Variants in ABCA13 observed in about 807,000 individuals in gnomAD.
ABCA13 encodes the protein ATP binding cassette subfamily A member 13, also known as ATP-binding cassette sub-family A member 13.
A neutral mutation model predicts 478.7 loss-of-function variants in ABCA13; 476 were observed. The ratio of observed to expected loss-of-function variants is 0.99; its 90% confidence interval spans 0.92 to 1.07. The LOEUF (loss-of-function observed/expected upper bound fraction) is 1.07, where lower values mean the gene tolerates loss of function less well. Ranked by LOEUF, ABCA13 falls within the 50% of genes least tolerant of loss-of-function variation. The pLI, the probability that ABCA13 is intolerant of heterozygous loss-of-function variation, is 0.00. For missense variants in ABCA13, 6,060 were observed against 5,910.6 expected (o/e 1.03, Z -0.83); for synonymous variants, 2,252 against 2,158.9 (o/e 1.04, Z -1.20).
In ABCA13 at chr7:48,279,680, G is replaced by A. The variant is rs1584598046; in HGVS notation, c.8486G>A (p.Gly2829Glu). 1 of 1,613,478 alleles carries A rather than the reference G, an allele frequency of 6.2e-7. No individual in the cohort carries two copies. The highest frequency in any genetic ancestry group is 8.5e-7 in the Non-Finnish European group (1 of 1,179,728). ...VLSRIALWRK[G>E]LLFNNSEWIT... Reference sequence around the variant, plus strand: ...AGTAGAATAGCTCTCTGGAGGAAAGGACTTCTGTTTAACAACTCTGAATGG... The same window carrying A: ...AGTAGAATAGCTCTCTGGAGGAAAGAACTTCTGTTTAACAACTCTGAATGG... Residue 2829 changes from glycine to glutamate, a missense_variant, in exon 18 of 62, where the codon GGA (glycine) becomes GAA (glutamate). Gly to Glu is a moderately conservative substitution (Grantham distance 98). This residue lies in a region of ABCA13 where 4,423 missense variants were observed against 4,309.1 expected (regional missense o/e 1.03). Transcript: ENST00000435803.
chr7:48,593,620 G>A (rs1789984821), intron 57 of ABCA13, among the ~76,000 whole-genome samples: 1 of 151,570 alleles, frequency 6.6e-6, no homozygotes, highest in African/African-American at 2.4e-5. Context: ...ATAATTTCAT[G>A]TTGCTAATTA....
At chr7:48,371,128 A>G (rs1812566780) in intron 32 of ABCA13, among the ~76,000 whole-genome samples, 1 of 152,052 alleles carries the variant, frequency 6.6e-6, no homozygotes, top group African/African-American at 2.4e-5. Flanking sequence ...ATTCTGTTCC[A>G]TTGGTTTATG....
intron 44 of ABCA13, 28 bp downstream of exon 44, chr7:48,467,073 T>C: frequency 1.3e-6 from 2 of 1,587,204 alleles, no homozygotes; most frequent in Non-Finnish European, 1.7e-6. Context: ...TCTGCAAAAG[T>C]GAACACTCCC....
rs1436727128 is a variant in ABCA13, at chr7:48,273,577, C to G, written c.3911C>G (p.Ser1304Ter). The change falls in exon 17 of 62, where the codon TCA becomes TGA. Residue 1304 changes from serine to a stop codon, truncating the protein, a stop_gained. Coordinates refer to ENST00000435803, the MANE Select transcript of ABCA13 (RefSeq NM_152701.5). LOFTEE classifies it high-confidence loss of function. Reference protein sequence around the residue: ...TSEYIVRNLDSINDFLSNNLT... With the variant: ...TSEYIVRNLD ...GAATATATAGTCAGAAATCTAGATT[C>G]AATAAATGACTTTCTTTCAAATAAT... 6.3e-7 allele frequency: 1 copy of G among 1,584,686 alleles called. No individual in the cohort carries two copies.
intron 49 of ABCA13, 102 bp downstream of exon 49, chr7:48,506,492 G>GAGA: frequency 7.6e-7 from 1 of 1,319,146 alleles, no homozygotes; most frequent in East Asian, 2.3e-5. Context: ...TTTGCCCCAA[G>GAGA]AGATGGCTTA....
Position 48,178,717 on chromosome 7 carries a change from GA to G in ABCA13, c.69+7175del, listed in dbSNP as rs926283435. Among the ~76,000 whole-genome samples the G allele has an allele frequency of 1.1e-3, 154 of 143,312 alleles. 1 individual carries two copies. The highest frequency in any genetic ancestry group is 3.6e-3 in the African/African-American group (140 of 39,176). The allele number at this position is 143,312 out of a possible 152,430, so 94.0% of individuals were successfully genotyped here. A position where few individuals can be genotyped will look rare whatever the true frequency, so the allele number is the denominator to read the frequency against. ...AAAATAAAATAAAATAAAATAAAAT[GA>G]AAAAAAAAAGAATGTGAGATTATCC... On this transcript the variant is annotated intron_variant, in intron 1 of 61. Transcript: ENST00000435803.
At chr7:48,301,921 A>G (rs1394266077) in intron 23 of ABCA13, among the ~76,000 whole-genome samples, 1 of 152,222 alleles carries the variant, frequency 6.6e-6, no homozygotes, top group Non-Finnish European at 1.5e-5. Flanking sequence ...CTCTCCTTCC[A>G]TTAAGTCAGC....
At position 48,276,407 on chromosome 7, in the gene ABCA13, A is replaced by G. The variant is rs1295930325; in HGVS notation, c.6741A>G (p.Ser2247=). 6.4e-7 allele frequency: 1 copy of G among 1,560,050 alleles called. No homozygotes were observed. Among genetic ancestry groups the G allele is most frequent in the Non-Finnish European group, 8.7e-7 (1 of 1,154,932 alleles). Residue 2247 remains serine, a synonymous_variant, in exon 17 of 62, where the codon TCA becomes TCG. Transcript: ENST00000435803. ...FINLILNHMQ[S]ETSRKTVLSL... is the part of the protein sequence containing the mutation. ...ACCTTATCTTGAACCATATGCAGTC[A>G]GAAACTAGTAGGAAAACAGTTCTCT...
intron 59 of ABCA13, among the ~76,000 whole-genome samples, chr7:48,634,978 C>T (rs1420266137): frequency 6.6e-6 from 1 of 152,104 alleles, no homozygotes; most frequent in African/African-American, 2.4e-5. Context: ...ATATAAATCT[C>T]ATAAAATTTA....
At chr7:48,469,584 G>A (rs1827249389) in intron 44 of ABCA13, among the ~76,000 whole-genome samples, 4 of 149,802 alleles carry the variant, frequency 2.7e-5, no homozygotes. Flanking sequence ...GTTCTCTTAA[G>A]GCAAGTTCCT....
chr7:48,235,569 A>G (rs544639523), intron 8 of ABCA13, among the ~76,000 whole-genome samples: 3 of 152,230 alleles, frequency 2.0e-5, no homozygotes, highest in South Asian at 2.1e-4. Context: ...ATTTTCTTTT[A>G]TCATAGTGTT....
Position 48,328,283 on chromosome 7 carries a change from A to T in ABCA13, c.10000-7139A>T, listed in dbSNP as rs563539714. 1.3e-4 allele frequency among the ~76,000 whole-genome samples: 20 copies of T among 152,282 alleles called. No individual in the cohort carries two copies. In the East Asian group the frequency reaches 3.9e-3, roughly 29 times the overall value. ...GTCAAGGTCTTTCCCAGGGAGCCCT[A>T]CAGAGAGAACAAAATCCATTGCAAT... On this transcript the variant is annotated intron_variant, in intron 27 of 61. Coordinates refer to ENST00000435803, the MANE Select transcript of ABCA13 (RefSeq NM_152701.5).
At chr7:48,570,354 T>A (rs1186573379) in intron 55 of ABCA13, among the ~76,000 whole-genome samples, 2 of 136,718 alleles carry the variant, frequency 1.5e-5, no homozygotes, top group Non-Finnish European at 3.1e-5. Context: ...AGATGGAGTC[T>A]CACTCTGTCG....
chr7:48,466,048 A>G (rs4917149), intron 43 of ABCA13, among the ~76,000 whole-genome samples: 28,931 of 152,038 alleles, frequency 0.19, 3,242 homozygotes, highest in African/African-American at 0.31. Flanking sequence ...ATTCTTACTC[A>G]AAAAGTATTT....
intron 53 of ABCA13, among the ~76,000 whole-genome samples, chr7:48,521,446 T>A (rs189600972): frequency 6.6e-6 from 1 of 152,350 alleles, no homozygotes; most frequent in Non-Finnish European, 1.5e-5. Context: ...CCCCTTTTAA[T>A]AAAGTAAAAT....
chr7:48,250,600 G>A (rs1288356770), intron 15 of ABCA13, among the ~76,000 whole-genome samples: 2 of 152,172 alleles, frequency 1.3e-5, no homozygotes, highest in Admixed American at 1.3e-4. Context: ...ATATATGTAT[G>A]TTTTTATTAT....
chr7:48,492,799 G>T (rs1829954616), intron 48 of ABCA13, among the ~76,000 whole-genome samples: 1 of 152,134 alleles, frequency 6.6e-6, no homozygotes, highest in African/African-American at 2.4e-5. Flanking sequence ...GCTGAGGCAG[G>T]TGTATCACCT....
intron 43 of ABCA13, among the ~76,000 whole-genome samples, chr7:48,458,532 AATCTT>A (rs1368849092): frequency 2.0e-5 from 3 of 152,186 alleles, no homozygotes; most frequent in African/African-American, 7.2e-5. Flanking sequence ...GATACATATA[AATCTT>A]ATCTTATTAG....
rs551148860 is a variant in ABCA13, at chr7:48,483,189, C to T, written c.13182+26C>T. On this transcript the variant is annotated intron_variant, in intron 47 of 61. Coordinates refer to ENST00000435803, the MANE Select transcript of ABCA13 (RefSeq NM_152701.5). ...GTAATCATATTTTTTTATTTTTTTC[C>T]TGTTTTAGAAAGTATTTAGGAAAAC... The T allele has an allele frequency of 5.7e-6, 9 of 1,575,958 alleles. No individual in the cohort carries two copies. In the East Asian group the frequency reaches 1.8e-4, roughly 32 times the overall value.
Sources: gnomAD v4.1 joint callset for allele counts (sites outside exome capture counted in the v4.1 genomes callset) on GRCh38, gnomAD v4.1.1 for gene constraint, gnomAD v4.1.1 regional missense constraint, MANE v1.5 for transcripts, NCBI Gene and HGNC (gene_info 2026-07-23, HGNC 2026-07-21) for gene names.